Variants in LPP observed in about 807,000 individuals in gnomAD.
LPP encodes the protein LIM domain containing preferred translocation partner in lipoma, also known as lipoma-preferred partner.
In LPP, 38 loss-of-function variants were observed where a neutral mutation model predicts 60.4. The ratio of observed to expected loss-of-function variants is 0.63; its 90% CI spans 0.49 to 0.83. The LOEUF is 0.83. Ranked by LOEUF, LPP falls within the 40% of genes least tolerant of loss-of-function variation. The probability of loss-of-function intolerance (pLI) is 0.00; values close to 1 mark genes in which losing one functional copy is unlikely to be tolerated. For synonymous variants in LPP, 328 were observed against 290.8 expected (o/e 1.13, Z -1.30); for missense variants, 902 against 783.6 (o/e 1.15, Z -1.80).
chr3:188,875,056 T>C lies in LPP; in HGVS notation c.*577T>C, dbSNP rs1769089835. 3 of 221,324 alleles carry C rather than the reference T, an allele frequency of 1.4e-5. No individual in the cohort carries two copies. Among genetic ancestry groups the C allele is most frequent in the Non-Finnish European group, 2.7e-5 (3 of 110,704 alleles). The allele number at this position is 221,324 out of a possible 1,614,324, so 13.7% of individuals were successfully genotyped here. ...AATTTAAGCTGTAAATTACATAAGT[T>C]AGAACAAGCCCAAATTTAATTTGCA... On this transcript the variant is annotated 3_prime_UTR_variant, in exon 12 of 12. Transcript: ENST00000617246.
At chr3:188,564,520 G>A (rs575711956) in intron 6 of LPP, among the ~76,000 whole-genome samples, 89 of 152,062 alleles carry the variant, frequency 5.9e-4, no homozygotes, top group Non-Finnish European at 1.1e-3. Context: ...ATACCAGGAT[G>A]AGCCAGAATT....
intron 2 of LPP, among the ~76,000 whole-genome samples, chr3:188,227,703 A>G (rs576618049): frequency 6.6e-6 from 1 of 152,012 alleles, no homozygotes; most frequent in Non-Finnish European, 1.5e-5. Flanking sequence ...CCTGGGCTTC[A>G]TCCTTGGAAT....
At chr3:188,811,617 C>A (rs914681029) in intron 9 of LPP, among the ~76,000 whole-genome samples, 1 of 151,916 alleles carries the variant, frequency 6.6e-6, no homozygotes, top group Non-Finnish European at 1.5e-5. Flanking sequence ...AATCTTAGAA[C>A]CATTTATTAA....
chr3:188,389,264 C>G (rs1022401133), intron 3 of LPP, among the ~76,000 whole-genome samples: 1 of 150,562 alleles, frequency 6.6e-6, no homozygotes. Flanking sequence ...CCCTGGAGAG[C>G]TTTGTGATAT....
chr3:188,796,123 A>G (rs1240797568), intron 9 of LPP, among the ~76,000 whole-genome samples: 1 of 152,196 alleles, frequency 6.6e-6, no homozygotes, highest in Non-Finnish European at 1.5e-5. Flanking sequence ...TTTTAAAAGA[A>G]AGGAGTATTG....
At chr3:188,831,185 T>G (rs1326077067) in intron 9 of LPP, among the ~76,000 whole-genome samples, 1 of 151,944 alleles carries the variant, frequency 6.6e-6, no homozygotes, top group Non-Finnish European at 1.5e-5. Context: ...ATCACTGGAG[T>G]TGGCAAAGAT....
chr3:188,352,597 A>G lies in LPP; in HGVS notation c.-10+10878A>G, dbSNP rs1456076045. On this transcript the variant is annotated intron_variant, in intron 3 of 11. Transcript: ENST00000617246. The surrounding 1 kb of genome is among the most constrained non-coding windows in gnomAD (Gnocchi z 4.4). ...GTACTCTCATTTGATGTGTGAGGACAGTGAGGCGCATTATGCGGAGGTGAC... is the reference window on the plus strand; with the variant it reads ...GTACTCTCATTTGATGTGTGAGGACGGTGAGGCGCATTATGCGGAGGTGAC... Among the ~76,000 whole-genome samples the G allele has an allele frequency of 1.3e-5, 2 of 152,246 alleles. No homozygotes were observed. The highest frequency in any genetic ancestry group is 2.9e-5 in the Non-Finnish European group (2 of 68,046).
At position 188,619,692 on chromosome 3, in the gene LPP, A is replaced by G. The variant is rs115992504; in HGVS notation, c.1113+9848A>G. Among the ~76,000 whole-genome samples the G allele has an allele frequency of 7.4e-3, 1,126 of 152,350 alleles. 12 individuals are homozygous for G. The highest frequency in any genetic ancestry group is 0.025 in the African/African-American group (1,055 of 41,580). ...TTTCTGTATATCATTTTACAGAAAA[A>G]CATTGTTGACTGCTGGTCAAAAATA... On this transcript the variant is annotated intron_variant, in intron 7 of 11. Transcript: ENST00000617246.
At chr3:188,763,487 T>C (rs1733082173) in intron 9 of LPP, among the ~76,000 whole-genome samples, 1 of 152,160 alleles carries the variant, frequency 6.6e-6, no homozygotes, top group South Asian at 2.1e-4. Context: ...GGTTCAATGA[T>C]TTTTAATATT....
chr3:188,624,281 G>A (rs1846354071), intron 7 of LPP, among the ~76,000 whole-genome samples: 1 of 152,146 alleles, frequency 6.6e-6, no homozygotes, highest in African/African-American at 2.4e-5. Flanking sequence ...ATCAGAGAAA[G>A]GGTATAGGAA....
At chr3:188,824,286 T>C (rs1450281218) in intron 9 of LPP, among the ~76,000 whole-genome samples, 1 of 152,134 alleles carries the variant, frequency 6.6e-6, no homozygotes, top group Admixed American at 6.6e-5. Flanking sequence ...AATGAAGACA[T>C]GAGTATTGAT....
chr3:188,256,729 G>A (rs1193203226), intron 2 of LPP, among the ~76,000 whole-genome samples: 1 of 152,102 alleles, frequency 6.6e-6, no homozygotes, highest in African/African-American at 2.4e-5. Context: ...AAATTCAGAC[G>A]ATGATAATGA....
At chr3:188,739,561 G>A (rs1404768491) in intron 8 of LPP, among the ~76,000 whole-genome samples, 1 of 152,046 alleles carries the variant, frequency 6.6e-6, no homozygotes, top group East Asian at 1.9e-4. Context: ...TCAAGTGATG[G>A]GTCAGTGTAT....
At chr3:188,698,424 T>A (rs1863731522) in intron 7 of LPP, among the ~76,000 whole-genome samples, 1 of 152,110 alleles carries the variant, frequency 6.6e-6, no homozygotes, top group Admixed American at 6.5e-5. Flanking sequence ...GTGTATGTTT[T>A]AGCCATAACA....
At chr3:188,353,212 C>T (rs1766469928) in intron 3 of LPP, among the ~76,000 whole-genome samples, 1 of 152,170 alleles carries the variant, frequency 6.6e-6, no homozygotes, top group Admixed American at 6.5e-5. Context: ...CTTAAATGGG[C>T]CTTTCTCCCT....
At chr3:188,215,893 G>A (rs898396514) in intron 1 of LPP, among the ~76,000 whole-genome samples, 1 of 152,194 alleles carries the variant, frequency 6.6e-6, no homozygotes, top group Non-Finnish European at 1.5e-5. Flanking sequence ...CTTACACCTT[G>A]CTATGGCATT....
intron 1 of LPP, among the ~76,000 whole-genome samples, chr3:188,158,645 C>G (rs1460867250): frequency 6.6e-6 from 1 of 152,106 alleles, no homozygotes; most frequent in East Asian, 1.9e-4. Context: ...TGCTTACCAC[C>G]TGTTATGTAA....
chr3:188,698,238 T>C (rs780926452), intron 7 of LPP, among the ~76,000 whole-genome samples: 5 of 152,214 alleles, frequency 3.3e-5, no homozygotes, highest in Non-Finnish European at 5.9e-5. Context: ...AATATGGTTT[T>C]AGTTTGAAAA....
chr3:188,270,299 G>A (rs1737291582), intron 2 of LPP, among the ~76,000 whole-genome samples: 1 of 151,510 alleles, frequency 6.6e-6, no homozygotes, highest in South Asian at 2.1e-4. Context: ...ACGTGTGTGT[G>A]TGGACACACA....
Sources: allele counts gnomAD v4.1 joint callset (sites outside exome capture counted in the v4.1 genomes callset), GRCh38; gene constraint gnomAD v4.1.1; non-coding constraint Gnocchi (gnomAD v3.1); transcripts MANE v1.5; gene names NCBI Gene and HGNC (gene_info 2026-07-23, HGNC 2026-07-21).